The following EXOC6B variants were observed in gnomAD, a reference collection of about 807,000 sequenced individuals.
EXOC6B encodes the protein exocyst complex component 6B.
A neutral mutation model predicts 113.5 loss-of-function variants in EXOC6B; 54 were observed. That is an observed-to-expected ratio of 0.48 (90% confidence interval 0.38 to 0.60). The LOEUF is 0.60. Ranked by LOEUF, EXOC6B falls within the 20% of genes least tolerant of loss-of-function variation. The probability of loss-of-function intolerance (pLI) is 0.00; values close to 1 mark genes in which losing one functional copy is unlikely to be tolerated. For synonymous variants in EXOC6B, 357 were observed against 339.0 expected, an observed-to-expected ratio of 1.05 and a Z score of -0.58; for missense variants, 797 against 977.5, an observed-to-expected ratio of 0.82 and a Z score of 2.46.
intron 6 of EXOC6B, among the ~76,000 whole-genome samples, chr2:72,688,018 T>C (rs1677211580): frequency 1.3e-5 from 2 of 151,560 alleles, no homozygotes; most frequent in African/African-American, 2.4e-5. Flanking sequence ...CCAAAAAAAA[T>C]CACCAAAAGA....
rs1371563897 is a variant in EXOC6B, at chr2:72,825,712, G to C, written c.113+86C>G. ...AAGGGAGGGGCCGGCGCCGGACCTG[G>C]GGACAGCCGGCCGGAGGCCCGACCC... On this transcript the variant is annotated intron_variant, in intron 1 of 21. Coordinates refer to ENST00000272427, the MANE Select transcript of EXOC6B (RefSeq NM_015189.3). The surrounding 1 kb of genome is among the most constrained non-coding windows in gnomAD (Gnocchi z 4.4). 1.2e-5 allele frequency: 17 copies of C among 1,411,874 alleles called. No individual in the cohort carries two copies. The highest frequency in any genetic ancestry group is 1.4e-5 in the Non-Finnish European group (15 of 1,073,838). 87.5% of individuals were successfully genotyped at this position (1,411,874 alleles called of 1,614,324 possible).
chr2:72,547,689 G>A (rs185290818), intron 8 of EXOC6B, among the ~76,000 whole-genome samples: 8 of 152,260 alleles, frequency 5.3e-5, no homozygotes, highest in African/African-American at 1.9e-4. Context: ...TAAAGTACAT[G>A]CAGATCTTTG....
chr2:72,699,690 G>A (rs545448550), intron 6 of EXOC6B, among the ~76,000 whole-genome samples: 2 of 152,162 alleles, frequency 1.3e-5, no homozygotes, highest in Admixed American at 6.5e-5. Flanking sequence ...ATTAATAACA[G>A]ACTTTAGCCT....
At chr2:72,536,836 C>A (rs1353939014) in intron 8 of EXOC6B, among the ~76,000 whole-genome samples, 3 of 152,170 alleles carry the variant, frequency 2.0e-5, no homozygotes, top group Non-Finnish European at 4.4e-5. Context: ...CCTATTAACA[C>A]TATTATTTGA....
chr2:72,538,072 C>T (rs1382381851), intron 8 of EXOC6B, among the ~76,000 whole-genome samples: 1 of 151,812 alleles, frequency 6.6e-6, no homozygotes, highest in African/African-American at 2.4e-5. Flanking sequence ...ATCCTCCCAC[C>T]TCACCTCCCA....
At chr2:72,210,087 T>C (rs1264467705) in intron 20 of EXOC6B, among the ~76,000 whole-genome samples, 2 of 152,164 alleles carry the variant, frequency 1.3e-5, no homozygotes, top group Non-Finnish European at 2.9e-5. Flanking sequence ...GGTGTGCTGA[T>C]CTTTTGGGTC....
intron 18 of EXOC6B, among the ~76,000 whole-genome samples, chr2:72,406,577 A>G (rs994017464): frequency 1.3e-5 from 2 of 152,216 alleles, no homozygotes; most frequent in African/African-American, 2.4e-5. Flanking sequence ...CGACATGGAA[A>G]CTGAACAACC....
chr2:72,320,923 G>T lies in EXOC6B; in HGVS notation c.2196+14024C>A, dbSNP rs141101850. On this transcript the variant is annotated intron_variant, in intron 20 of 21. Coordinates refer to ENST00000272427, the MANE Select transcript of EXOC6B (RefSeq NM_015189.3). ...CAAATACATTAAACACAGAAGAAAA[G>T]AAACTGAATAAAATATTTGAACAAA... Among the ~76,000 whole-genome samples the T allele has an allele frequency of 2.1e-4, 32 of 151,974 alleles. No individual in the cohort carries two copies. In the East Asian group the frequency reaches 5.8e-3, roughly 28 times the overall value.
At chr2:72,737,268 C>T (rs974590061) in intron 2 of EXOC6B, among the ~76,000 whole-genome samples, 1 of 151,896 alleles carries the variant, frequency 6.6e-6, no homozygotes, top group Non-Finnish European at 1.5e-5. Context: ...CGCTTGAACC[C>T]AGGAGGCAGA....
intron 6 of EXOC6B, among the ~76,000 whole-genome samples, chr2:72,689,696 A>G (rs925658333): frequency 2.0e-5 from 3 of 152,136 alleles, no homozygotes; most frequent in African/African-American, 7.2e-5. Context: ...GGATTCTACT[A>G]TCTCTCCTTG....
At chr2:72,704,994 C>T (rs1252357654) in intron 6 of EXOC6B, among the ~76,000 whole-genome samples, 1 of 152,088 alleles carries the variant, frequency 6.6e-6, no homozygotes, top group Non-Finnish European at 1.5e-5. Context: ...CAGTATCATT[C>T]TGATACCAAA....
chr2:72,602,812 A>G (rs1162841596), intron 6 of EXOC6B, among the ~76,000 whole-genome samples: 1 of 152,214 alleles, frequency 6.6e-6, no homozygotes. Flanking sequence ...GCCTTAGATC[A>G]AAATTAAGCA....
At chr2:72,438,413 A>G (rs545996842) in intron 18 of EXOC6B, among the ~76,000 whole-genome samples, 1 of 152,260 alleles carries the variant, frequency 6.6e-6, no homozygotes, top group South Asian at 2.1e-4. Context: ...GTTTGAGACC[A>G]GCCTGTGCAA....
chr2:72,484,140 TTC>T (rs1272946321), intron 16 of EXOC6B, among the ~76,000 whole-genome samples: 90 of 151,808 alleles, frequency 5.9e-4, no homozygotes, highest in African/African-American at 2.1e-3. Context: ...TGGAGGTAAT[TTC>T]TTTTTTTTTT....
chr2:72,247,407 G>A (rs1401256512), intron 20 of EXOC6B, among the ~76,000 whole-genome samples: 2 of 152,190 alleles, frequency 1.3e-5, no homozygotes, highest in Non-Finnish European at 1.5e-5. Flanking sequence ...ATTCAGCAGA[G>A]GCTACTGCCC....
intron 1 of EXOC6B, among the ~76,000 whole-genome samples, chr2:72,784,837 A>G (rs1334909648): frequency 2.0e-5 from 3 of 152,054 alleles, no homozygotes; most frequent in Non-Finnish European, 2.9e-5. Flanking sequence ...TTTCAAAACC[A>G]ATTATTCCTT....
intron 6 of EXOC6B, among the ~76,000 whole-genome samples, chr2:72,600,351 C>T (rs1018274833): frequency 5.5e-5 from 8 of 146,380 alleles, no homozygotes; most frequent in Admixed American, 1.4e-4. Flanking sequence ...ATGAGGTGGG[C>T]GTTTCCCTTG....
chr2:72,232,021 T>G (rs1573047677), intron 20 of EXOC6B, among the ~76,000 whole-genome samples: 1 of 152,086 alleles, frequency 6.6e-6, no homozygotes, highest in Admixed American at 6.5e-5. Context: ...GTCACCCAGG[T>G]TGGAGTGCAG....
intron 20 of EXOC6B, among the ~76,000 whole-genome samples, chr2:72,184,834 C>T (rs937407728): frequency 6.6e-6 from 1 of 152,160 alleles, no homozygotes; most frequent in Non-Finnish European, 1.5e-5. Context: ...TATGCAGACA[C>T]AGGCTAAGAA....
Sources: gnomAD v4.1 joint callset for allele counts (sites outside exome capture counted in the v4.1 genomes callset) on GRCh38, gnomAD v4.1.1 for gene constraint, Gnocchi (gnomAD v3.1) non-coding constraint, MANE v1.5 for transcripts, NCBI Gene and HGNC (gene_info 2026-07-23, HGNC 2026-07-21) for gene names.